CCDC91: variants seen among roughly 807,000 people sequenced by gnomAD.
The protein encoded by CCDC91 is coiled-coil domain-containing protein 91.
A neutral mutation model predicts 63.2 loss-of-function variants in CCDC91; 48 were observed. The observed-to-expected ratio is 0.76, with a 90% CI of 0.60 to 0.97. The LOEUF (loss-of-function observed/expected upper bound fraction) is 0.97, where lower values mean the gene tolerates loss of function less well. CCDC91 is among the 50% of genes least tolerant of loss of function. The pLI is 0.00. For missense variants in CCDC91, 500 were observed against 494.6 expected, an observed-to-expected ratio of 1.01 and a Z score of -0.10; for synonymous variants, 167 against 165.8, an observed-to-expected ratio of 1.01 and a Z score of -0.06.
chr12:28,339,881 C>T (rs1432697950), intron 6 of CCDC91, among the ~76,000 whole-genome samples: 1 of 152,028 alleles, frequency 6.6e-6, no homozygotes, highest in Admixed American at 6.6e-5. Context: ...GTGTCCTTGT[C>T]TGTAAAACAA....
intron 1 of CCDC91, among the ~76,000 whole-genome samples, chr12:28,252,675 T>A (rs1037380838): frequency 6.6e-6 from 1 of 152,032 alleles, no homozygotes; most frequent in Non-Finnish European, 1.5e-5. Flanking sequence ...GATACTATGG[T>A]TTTGTTTTTT....
intron 11 of CCDC91, among the ~76,000 whole-genome samples, chr12:28,453,695 C>T (rs779897083): frequency 4.0e-5 from 6 of 151,636 alleles, no homozygotes; most frequent in South Asian, 2.1e-4. Context: ...TAATTCTTAC[C>T]GTAACCTATC....
intron 3 of CCDC91, among the ~76,000 whole-genome samples, chr12:28,297,174 A>AT (rs929039869): frequency 2.0e-5 from 3 of 151,920 alleles, no homozygotes; most frequent in East Asian, 1.9e-4. Flanking sequence ...AGATAAACAG[A>AT]TTTTTTTGGG....
intron 2 of CCDC91, among the ~76,000 whole-genome samples, chr12:28,258,153 G>C (rs144951076): frequency 2.0e-5 from 3 of 151,948 alleles, no homozygotes; most frequent in Non-Finnish European, 4.4e-5. Flanking sequence ...AGACATACCT[G>C]TTTTCTCTAT....
intron 3 of CCDC91, among the ~76,000 whole-genome samples, chr12:28,300,844 A>G (rs1937997357): frequency 6.6e-6 from 1 of 151,524 alleles, no homozygotes; most frequent in African/African-American, 2.4e-5. Flanking sequence ...TAAGTACTGT[A>G]TTGTGTCTTT....
intron 9 of CCDC91, 28 bp from the exon 10 acceptor site, chr12:28,450,322 T>C: frequency 6.2e-7 from 1 of 1,600,800 alleles, no homozygotes; most frequent in Non-Finnish European, 8.6e-7. Flanking sequence ...ACATTTAATG[T>C]CTTTCCAACT....
chr12:28,218,518 T>A (rs1197380873), intron 1 of CCDC91, among the ~76,000 whole-genome samples: 1 of 152,054 alleles, frequency 6.6e-6, no homozygotes, highest in African/African-American at 2.4e-5. Context: ...GACAAATATT[T>A]ACATATGAGA....
intron 12 of CCDC91, among the ~76,000 whole-genome samples, chr12:28,511,737 G>T (rs1939395668): frequency 6.6e-6 from 1 of 151,868 alleles, no homozygotes. Context: ...CTTCTGCACT[G>T]TGTCTGCGCA....
chr12:28,349,034 T>C (rs1943008577), intron 6 of CCDC91, among the ~76,000 whole-genome samples: 1 of 152,198 alleles, frequency 6.6e-6, no homozygotes, highest in Admixed American at 6.5e-5. Flanking sequence ...ATCTTATTTT[T>C]CAATTGATAT....
At chr12:28,227,365 C>T (rs973372650) in intron 1 of CCDC91, among the ~76,000 whole-genome samples, 33 of 152,136 alleles carry the variant, frequency 2.2e-4, no homozygotes, top group Non-Finnish European at 4.6e-4. Flanking sequence ...TTCTACTTGG[C>T]TTGGCCAGTT....
intron 3 of CCDC91, among the ~76,000 whole-genome samples, chr12:28,287,522 G>T (rs1326724869): frequency 6.6e-6 from 1 of 151,910 alleles, no homozygotes; most frequent in Non-Finnish European, 1.5e-5. Flanking sequence ...TGTTGTAGGT[G>T]TGAGGCCTTA....
chr12:28,475,879 A>T (rs185697470), intron 11 of CCDC91, among the ~76,000 whole-genome samples: 19 of 152,124 alleles, frequency 1.2e-4, no homozygotes, highest in Middle Eastern at 3.4e-3. Flanking sequence ...ATGGACTAAG[A>T]TATCTATTTA....
chr12:28,446,227 G>A (rs1426802871), intron 8 of CCDC91, among the ~76,000 whole-genome samples: 5 of 152,118 alleles, frequency 3.3e-5, no homozygotes, highest in African/African-American at 7.2e-5. Flanking sequence ...AAGAGAAAAT[G>A]TTCATAGAAC....
At chr12:28,492,526 A>G (rs1266434575) in intron 12 of CCDC91, among the ~76,000 whole-genome samples, 6 of 151,596 alleles carry the variant, frequency 4.0e-5, no homozygotes, top group Admixed American at 3.3e-4. Flanking sequence ...TTTTTCTACT[A>G]TATCACACCA....
At chr12:28,424,859 G>A (rs1447560634) in intron 8 of CCDC91, among the ~76,000 whole-genome samples, 8 of 151,298 alleles carry the variant, frequency 5.3e-5, no homozygotes, top group Admixed American at 2.6e-4. Context: ...GTTTTTTTCC[G>A]CCATTAACTT....
intron 6 of CCDC91, among the ~76,000 whole-genome samples, chr12:28,315,308 G>A (rs1366735523): frequency 3.3e-5 from 5 of 151,880 alleles, no homozygotes; most frequent in Non-Finnish European, 7.4e-5. Context: ...TGGAATTACA[G>A]GCATGTACCA....
chr12:28,530,895 G>T (rs1271924949), intron 12 of CCDC91, among the ~76,000 whole-genome samples: 1 of 152,100 alleles, frequency 6.6e-6, no homozygotes, highest in Non-Finnish European at 1.5e-5. Context: ...AATCCCCAGT[G>T]CAACAGTGTT....
chr12:28,201,053 T>C (rs1307130099), intron 1 of CCDC91, among the ~76,000 whole-genome samples: 1 of 145,100 alleles, frequency 6.9e-6, no homozygotes, highest in Non-Finnish European at 1.5e-5. Context: ...GCAGAGGGGC[T>C]CCTCACTTCC....
At chr12:28,348,862 T>A (rs964367371) in intron 6 of CCDC91, among the ~76,000 whole-genome samples, 1 of 152,096 alleles carries the variant, frequency 6.6e-6, no homozygotes, top group Admixed American at 6.5e-5. Flanking sequence ...TAGCTGGGAC[T>A]ACAGGTGTGC....
Sources: allele counts gnomAD v4.1 joint callset (sites outside exome capture counted in the v4.1 genomes callset), GRCh38; gene constraint gnomAD v4.1.1; transcripts MANE v1.5; gene names NCBI Gene and HGNC (gene_info 2026-07-23, HGNC 2026-07-21).